The following PITPNM2 variants were observed in gnomAD, a reference collection of about 807,000 sequenced individuals.
PITPNM2 encodes membrane-associated phosphatidylinositol transfer protein 2.
PITPNM2 carries 35 observed loss-of-function variants against 132.2 expected under a neutral mutation model. The observed-to-expected ratio is 0.26, with a 90% CI of 0.20 to 0.35. The LOEUF is 0.35. Among genes scored for constraint, PITPNM2 ranks in the 10% least tolerant of loss-of-function variants. PITPNM2 has a pLI of 1.00. For synonymous variants in PITPNM2, 738 were observed against 799.2 expected (o/e 0.92, Z 1.29); for missense variants, 1,332 against 1,912.0 (o/e 0.70, Z 5.66).
intron 1 of PITPNM2, among the ~76,000 whole-genome samples, chr12:123,141,584 C>A (rs923458158): frequency 6.6e-6 from 1 of 152,154 alleles, no homozygotes; most frequent in South Asian, 2.1e-4. Flanking sequence ...GGAAGAGCAG[C>A]CGTCTCCTGG....
rs982738373 is a variant in PITPNM2, at chr12:122,994,464, A to G, written c.2233+337T>C. 7.9e-5 allele frequency among the ~76,000 whole-genome samples: 12 copies of G among 151,778 alleles called. No homozygotes were observed. The highest frequency in any genetic ancestry group is 1.9e-4 in the East Asian group (1 of 5,142). On this transcript the variant is annotated intron_variant, in intron 15 of 25. Transcript: ENST00000320201. This position sits in a 1 kb window ranked among gnomAD's most constrained non-coding sequence, Gnocchi z 5.4. ...ATGCCTGGCCTCTGCATCTCTCCCT[A>G]TGGGAGGACCTTGGACCTGGGAGGC...
chr12:123,001,210 T>A, intron 8 of PITPNM2, 52 bp from the exon 9 acceptor site: 3 of 1,464,844 alleles, frequency 2.0e-6, no homozygotes, highest in Non-Finnish European at 2.9e-6. Flanking sequence ...TGGGGAAGCC[T>A]GGCTTCCCGA....
At chr12:122,995,748 A>C in intron 13 of PITPNM2, 88 bp from the exon 14 acceptor site, 2 of 1,435,460 alleles carry the variant, frequency 1.4e-6, no homozygotes, top group Non-Finnish European at 1.8e-6. Context: ...CTCCCTCCTA[A>C]CCCCAGGCCA....
At chr12:123,141,273 G>A (rs1228907009) in intron 1 of PITPNM2, among the ~76,000 whole-genome samples, 1 of 152,168 alleles carries the variant, frequency 6.6e-6, no homozygotes, top group Non-Finnish European at 1.5e-5. Flanking sequence ...TGTAAAATGG[G>A]CACAGCAACA....
At chr12:123,002,661 C>G (rs1287015347) in intron 8 of PITPNM2, among the ~76,000 whole-genome samples, 1 of 152,144 alleles carries the variant, frequency 6.6e-6, no homozygotes, top group African/African-American at 2.4e-5. Flanking sequence ...TAAGCGATCC[C>G]AAAGTGTTGG....
intron 2 of PITPNM2, chr12:123,081,955 A>G (rs1364658077): frequency 1.3e-5 from 2 of 152,316 alleles, no homozygotes; most frequent in African/African-American, 4.8e-5. Context: ...CACTAAGTAA[A>G]GCATCATTAA....
Position 122,986,276 on chromosome 12 carries a change from C to G in PITPNM2, c.3801G>C (p.Thr1267=), listed in dbSNP as rs747752702. ...CCTTGCGCAGCGCCATGCGGGTGGC[C>G]GTGTTGCGAGCGGGCCGCGCCCGGT... ...YSHRARPARN[T]ATRMALRKGS... Residue 1267 remains threonine (T), a synonymous_variant, in exon 26 of 26, where the codon ACG becomes ACC. Coordinates refer to ENST00000320201, the MANE Select transcript of PITPNM2 (RefSeq NM_020845.3). 3.8e-6 allele frequency: 6 copies of G among 1,582,636 alleles called. No individual in the cohort carries two copies. The highest frequency in any genetic ancestry group is 5.1e-6 in the Non-Finnish European group (6 of 1,169,148).
chr12:123,006,056 A>C (rs2038921110), intron 6 of PITPNM2: 1 of 152,722 alleles, frequency 6.5e-6, no homozygotes, highest in African/African-American at 2.4e-5. Flanking sequence ...GCCTGCAGTG[A>C]GCTATGATTG....
intron 1 of PITPNM2, among the ~76,000 whole-genome samples, chr12:123,146,128 G>C (rs570597673): frequency 2.0e-5 from 3 of 152,192 alleles, no homozygotes; most frequent in Admixed American, 1.3e-4. Flanking sequence ...CACATAGAGG[G>C]GGGTAACACA....
chr12:123,075,191 T>C (rs148235233), intron 2 of PITPNM2, among the ~76,000 whole-genome samples: 3 of 145,398 alleles, frequency 2.1e-5, no homozygotes, highest in Admixed American at 6.6e-5. Flanking sequence ...TGTATGTGCA[T>C]GTATAAGTAC....
At chr12:123,092,488 A>G (rs2042294775) in intron 2 of PITPNM2, 1 of 152,280 alleles carries the variant, frequency 6.6e-6, no homozygotes, top group Non-Finnish European at 1.5e-5. Context: ...AGATTAAACA[A>G]ATACTTAACT....
At chr12:123,030,315 TG>T (rs1181416743) in intron 3 of PITPNM2, among the ~76,000 whole-genome samples, 1 of 152,208 alleles carries the variant, frequency 6.6e-6, no homozygotes, top group East Asian at 1.9e-4. Context: ...GAAAACAGTC[TG>T]GTGGTTCCTG....
At chr12:123,122,318 C>A (rs554069518) in intron 1 of PITPNM2, among the ~76,000 whole-genome samples, 151 of 152,128 alleles carry the variant, frequency 9.9e-4, no homozygotes, top group African/African-American at 3.4e-3. Flanking sequence ...AAAAATTAGC[C>A]GGGCGTGGTG....
At chr12:123,024,658 A>G (rs1200916935) in intron 3 of PITPNM2, among the ~76,000 whole-genome samples, 1 of 152,252 alleles carries the variant, frequency 6.6e-6, no homozygotes. Flanking sequence ...GCTGAGTGAA[A>G]GAAGCCAGAC....
chr12:122,990,930 A>G (rs912031040), intron 16 of PITPNM2, among the ~76,000 whole-genome samples: 2 of 152,196 alleles, frequency 1.3e-5, no homozygotes, highest in Non-Finnish European at 2.9e-5. Context: ...GGACACAGAC[A>G]CAGGGCAGGG....
intron 20 of PITPNM2, 117 bp from the exon 21 acceptor site, chr12:122,988,018 T>C (rs1009229560): frequency 4.0e-6 from 4 of 992,058 alleles, no homozygotes; most frequent in Non-Finnish European, 6.1e-6. Context: ...GCGCAGCCCA[T>C]GTCTGAGTCT....
At chr12:123,039,828 A>G (rs2040400737) in intron 2 of PITPNM2, among the ~76,000 whole-genome samples, 1 of 152,192 alleles carries the variant, frequency 6.6e-6, no homozygotes, top group Admixed American at 6.5e-5. Context: ...TTTGCTGTGA[A>G]TCTAAAACAG....
At chr12:123,098,752 C>T (rs1215248263) in intron 2 of PITPNM2, among the ~76,000 whole-genome samples, 2 of 152,008 alleles carry the variant, frequency 1.3e-5, no homozygotes, top group African/African-American at 4.8e-5. Flanking sequence ...GTGAGTCCCC[C>T]GAATCCCACG....
intron 1 of PITPNM2, among the ~76,000 whole-genome samples, chr12:123,132,271 G>A (rs1227742776): frequency 6.6e-6 from 1 of 152,206 alleles, no homozygotes; most frequent in African/African-American, 2.4e-5. Context: ...AGACATGGCC[G>A]TTAACTGCCA....
Sources: gnomAD v4.1 joint callset for allele counts (sites outside exome capture counted in the v4.1 genomes callset) on GRCh38, gnomAD v4.1.1 for gene constraint, Gnocchi (gnomAD v3.1) non-coding constraint, MANE v1.5 for transcripts, NCBI Gene and HGNC (gene_info 2026-07-23, HGNC 2026-07-21) for gene names.